Variants in CEP126 observed in about 807,000 individuals in gnomAD.
The protein encoded by CEP126 is centrosomal protein 126.
CEP126 carries 74 observed loss-of-function variants against 107.8 expected under a neutral mutation model. The ratio of observed to expected loss-of-function variants is 0.69; its 90% CI spans 0.57 to 0.83. CEP126 has a LOEUF of 0.83. Among genes scored for constraint, CEP126 ranks in the 40% least tolerant of loss-of-function variants. The pLI is 0.00. For synonymous variants in CEP126, 449 were observed against 446.0 expected, an observed-to-expected ratio of 1.01 and a Z score of -0.08; for missense variants, 1,237 against 1,281.9, an observed-to-expected ratio of 0.96 and a Z score of 0.53.
intron 4 of CEP126, 61 bp from the exon 5 acceptor site, chr11:101,958,107 C>T: frequency 1.4e-6 from 2 of 1,399,082 alleles, no homozygotes; most frequent in Non-Finnish European, 2.0e-6. Flanking sequence ...CATGTATATA[C>T]ATATAGAAAG....
chr11:101,961,661 A>C, intron 5 of CEP126, 80 bp from the exon 6 acceptor site: 2 of 735,564 alleles, frequency 2.7e-6, no homozygotes, highest in South Asian at 4.1e-5. Context: ...AATTGGGCTC[A>C]GTAACAATGG....
At chr11:101,975,771 T>A (rs1242970154) in intron 6 of CEP126, among the ~76,000 whole-genome samples, 2 of 152,172 alleles carry the variant, frequency 1.3e-5, no homozygotes, top group African/African-American at 4.8e-5. Context: ...CAGTGTCTGT[T>A]GTTCCCTTCT....
chr11:101,923,176 T>C (rs1940358142), intron 2 of CEP126, among the ~76,000 whole-genome samples: 1 of 152,136 alleles, frequency 6.6e-6, no homozygotes, highest in African/African-American at 2.4e-5. Context: ...CTGCCACTTT[T>C]CATTCGTTCA....
chr11:101,988,394 A>G (rs1941338290), intron 9 of CEP126, among the ~76,000 whole-genome samples: 1 of 152,212 alleles, frequency 6.6e-6, no homozygotes, highest in Non-Finnish European at 1.5e-5. Flanking sequence ...GATGGAAAAT[A>G]TGATATAGAG....
rs543182811 is a variant in CEP126, at chr11:101,956,250, G to A, written c.507-1918G>A. 144 of 456,304 alleles carry A rather than the reference G, an allele frequency of 3.2e-4. 1 individual carries two copies. Among genetic ancestry groups the A allele is most frequent in the Non-Finnish European group, 4.9e-4 (112 of 226,886 alleles). 28.3% of individuals were successfully genotyped at this position (456,304 alleles called of 1,614,324 possible). A position where few individuals can be genotyped will look rare whatever the true frequency, so the allele number is the denominator to read the frequency against. Reference sequence around the variant, plus strand: ...ACTCTAATGCCTACCCTTGTTCGTCGTTCCCTTCCAGCTCCACTGGTTGTT... The same window carrying A: ...ACTCTAATGCCTACCCTTGTTCGTCATTCCCTTCCAGCTCCACTGGTTGTT... On this transcript the variant is annotated intron_variant, in intron 4 of 10. Transcript: ENST00000263468.
chr11:101,988,655 G>C (rs1324996143), intron 9 of CEP126, among the ~76,000 whole-genome samples: 1 of 152,056 alleles, frequency 6.6e-6, no homozygotes, highest in African/African-American at 2.4e-5. Context: ...AATGTGCTGA[G>C]AGAAAGTAAC....
At chr11:101,922,268 G>A (rs555548156) in intron 1 of CEP126, among the ~76,000 whole-genome samples, 3 of 151,136 alleles carry the variant, frequency 2.0e-5, no homozygotes, top group African/African-American at 7.3e-5. Context: ...GGGTTCAAGC[G>A]ATTCTCCTGC....
intron 7 of CEP126, among the ~76,000 whole-genome samples, chr11:101,979,317 T>C (rs1591292224): frequency 1.3e-5 from 2 of 152,206 alleles, no homozygotes; most frequent in African/African-American, 2.4e-5. Flanking sequence ...ACATTTCCTA[T>C]TGAGGACCTT....
rs2137112930 is a variant in CEP126, at chr11:101,963,047, G to A, written c.2012G>A (p.Ser671Asn). 1 of 1,614,096 alleles carries A rather than the reference G, an allele frequency of 6.2e-7. No individual in the cohort carries two copies. Among genetic ancestry groups the A allele is most frequent in the African/African-American group, 1.3e-5 (1 of 75,050 alleles). The change falls in exon 6 of 11, where the codon AGC becomes AAC. Residue 671 changes from serine (S) to asparagine (N), a missense_variant. By Grantham distance (46) the Ser-to-Asn change is conservative. This residue lies in a region of CEP126 where 1,134 missense variants were observed against 1,150.5 expected (regional missense o/e 0.99). Coordinates refer to ENST00000263468, the MANE Select transcript of CEP126 (RefSeq NM_020802.4). ...QQFHIQSGAG[S>N]NIISVSTCAV... ...TTCCACATTCAAAGTGGTGCTGGAA[G>A]CAACATAATTAGTGTTTCTACTTGT...
rs1940991571 is a variant in CEP126 at position 101,962,496 on chromosome 11, A to G, written c.1461A>G (p.Ala487=). Residue 487 remains alanine (A), a synonymous_variant, in exon 6 of 11, where the codon GCA becomes GCG. Transcript: ENST00000263468. ...GTATACACATAAAAGAAATTGATGC[A>G]GTGCAGTGTTCTGATAAGTTAGATG... ...KNSIHIKEID[A]VQCSDKLDEL... 1.2e-6 allele frequency: 2 copies of G among 1,612,936 alleles called. No homozygotes were observed. The highest frequency in any genetic ancestry group is 1.7e-5 in the Admixed American group (1 of 59,768).
Position 101,962,702 on chromosome 11 carries a change from T to C in CEP126, c.1667T>C (p.Val556Ala). The C allele has an allele frequency of 6.2e-7, 1 of 1,613,228 alleles. No homozygotes were observed. The highest frequency in any genetic ancestry group is 8.5e-7 in the Non-Finnish European group (1 of 1,179,710). Residue 556 changes from valine to alanine, a missense_variant, in exon 6 of 11, where the codon GTT becomes GCT. Physicochemically the swap from Val to Ala is moderately conservative, Grantham distance 64. This residue lies in a region of CEP126 where 1,134 missense variants were observed against 1,150.5 expected (regional missense o/e 0.99). Coordinates refer to ENST00000263468, the MANE Select transcript of CEP126 (RefSeq NM_020802.4). ...AATGTAACTTCTAATTATGACTTTG[T>C]TGGCCAGCATAAGAAAATGAAATAC... ...LSNVTSNYDF[V>A]GQHKKMKYNI...
Position 101,948,062 on chromosome 11 carries a change from G to A in CEP126, c.426G>A (p.Glu142=). 6.2e-7 allele frequency: 1 copy of A among 1,611,328 alleles called. No individual in the cohort carries two copies. Among genetic ancestry groups the A allele is most frequent in the South Asian group, 1.1e-5 (1 of 90,694 alleles). The part of the protein sequence containing the change: ...VSRKPVPPLE[E]ALKQIQESNL... ...GAAAACCAGTTCCTCCATTAGAAGA[G>A]GCCCTCAAACAAATTCAGGAATCCA... is the stretch of plus-strand genomic sequence containing the variant. The change falls in exon 4 of 11, where the codon GAG becomes GAA. Residue 142 remains glutamate, a synonymous_variant. Coordinates refer to ENST00000263468, the MANE Select transcript of CEP126 (RefSeq NM_020802.4).
intron 6 of CEP126, among the ~76,000 whole-genome samples, chr11:101,970,007 G>A (rs1283161221): frequency 1.3e-5 from 2 of 152,150 alleles, no homozygotes; most frequent in Non-Finnish European, 2.9e-5. Flanking sequence ...ATTTAGGATG[G>A]ACAGCAATTT....
intron 6 of CEP126, among the ~76,000 whole-genome samples, chr11:101,967,242 C>A (rs1941069062): frequency 6.6e-6 from 1 of 151,934 alleles, no homozygotes; most frequent in African/African-American, 2.4e-5. Context: ...GTCTTGAACT[C>A]CTGGGCTCAA....
intron 1 of CEP126, among the ~76,000 whole-genome samples, chr11:101,919,526 C>T (rs555330608): frequency 1.4e-4 from 21 of 151,754 alleles, no homozygotes; most frequent in Admixed American, 7.9e-4. Flanking sequence ...CCTACCTTTA[C>T]CATACAGCTT....
chr11:101,993,252 T>C (rs925805707), intron 10 of CEP126, among the ~76,000 whole-genome samples: 6 of 152,154 alleles, frequency 3.9e-5, no homozygotes, highest in African/African-American at 1.4e-4. Flanking sequence ...GTTGTTCCCG[T>C]CTTTGTGTTC....
chr11:101,927,540 CT>C (rs942161643), intron 2 of CEP126, among the ~76,000 whole-genome samples: 1 of 152,060 alleles, frequency 6.6e-6, no homozygotes, highest in African/African-American at 2.4e-5. Context: ...AAGTGTTGTC[CT>C]TTTATAGCCA....
intron 4 of CEP126, chr11:101,957,013 G>A (rs1362033715): frequency 3.3e-6 from 1 of 302,164 alleles, no homozygotes; most frequent in African/African-American, 2.2e-5. Context: ...GCGACTGAAG[G>A]GGAAGGATTA....
At chr11:101,917,028 A>ATTGTGTG (rs140184758) in intron 1 of CEP126, among the ~76,000 whole-genome samples, 8 of 135,966 alleles carry the variant, frequency 5.9e-5, no homozygotes, top group African/African-American at 1.9e-4. Context: ...AAATCCAACA[A>ATTGTGTG]TGTGTGTGTG....
Sources: gnomAD v4.1 joint callset for allele counts (sites outside exome capture counted in the v4.1 genomes callset) on GRCh38, gnomAD v4.1.1 for gene constraint, gnomAD v4.1.1 regional missense constraint, MANE v1.5 for transcripts, NCBI Gene and HGNC (gene_info 2026-07-23, HGNC 2026-07-21) for gene names.